KCNH8: variants seen among roughly 807,000 people sequenced by gnomAD.
The protein encoded by KCNH8 is potassium voltage-gated channel subfamily H member 8, also known as voltage-gated delayed rectifier potassium channel KCNH8.
Under a neutral mutation model 103.6 loss-of-function variants are expected in KCNH8, and 70 were observed. The observed-to-expected ratio is 0.68, with a 90% CI of 0.56 to 0.82. The LOEUF (loss-of-function observed/expected upper bound fraction) is 0.82. KCNH8 is among the 40% of genes least tolerant of loss of function. KCNH8 has a pLI of 0.00. For synonymous variants in KCNH8, 498 were observed against 489.4 expected (o/e 1.02, Z -0.23); for missense variants, 1,217 against 1,329.9 (o/e 0.92, Z 1.32).
Position 19,482,924 on chromosome 3 carries a change from C to T in KCNH8, c.2040+25942C>T, listed in dbSNP as rs555804840. On this transcript the variant is annotated intron_variant, in intron 11 of 15. Coordinates refer to ENST00000328405, the MANE Select transcript of KCNH8 (RefSeq NM_144633.3). ...TTATTAGTGATTATTTCTAAGACAG[C>T]TTGTAACCGTATGATTTGATTGATC... Among the ~76,000 whole-genome samples the T allele has an allele frequency of 1.1e-4, 17 of 152,294 alleles. 2 individuals carry two copies. The South Asian group carries it at 3.5e-3, about 32-fold the overall frequency.
rs1173450264 is a variant in KCNH8, at chr3:19,178,834, T to A, written c.76+30039T>A. On this transcript the variant is annotated intron_variant, in intron 1 of 15. Coordinates refer to ENST00000328405, the MANE Select transcript of KCNH8 (RefSeq NM_144633.3). Reference sequence around the variant, plus strand: ...ATATTGAACTGGCAGGGAGTCTTGCTTTTAAGAAGAAGTTGTGTGTTGGCT... The same window carrying A: ...ATATTGAACTGGCAGGGAGTCTTGCATTTAAGAAGAAGTTGTGTGTTGGCT... Among the ~76,000 whole-genome samples, 21 of 152,144 alleles carry A rather than the reference T, an allele frequency of 1.4e-4. 1 individual carries two copies. Among genetic ancestry groups the A allele is most frequent in the Admixed American group, 1.4e-3 (21 of 15,268 alleles).
intron 3 of KCNH8, among the ~76,000 whole-genome samples, chr3:19,308,034 T>G (rs1046525337): frequency 1.3e-5 from 2 of 151,850 alleles, no homozygotes; most frequent in African/African-American, 4.8e-5. Context: ...TTTAAATAGC[T>G]AGAAAGACGA....
intron 3 of KCNH8, among the ~76,000 whole-genome samples, chr3:19,321,481 G>A (rs1170639367): frequency 6.6e-6 from 1 of 151,864 alleles, no homozygotes; most frequent in African/African-American, 2.4e-5. Context: ...CTATGTATTT[G>A]CATGGTTTTG....
chr3:19,375,655 C>G (rs1445898056), intron 5 of KCNH8, among the ~76,000 whole-genome samples: 15 of 152,212 alleles, frequency 9.9e-5, no homozygotes, highest in Middle Eastern at 3.4e-3. Flanking sequence ...GTGAGGAACT[C>G]CGTTCCTTTG....
intron 7 of KCNH8, among the ~76,000 whole-genome samples, chr3:19,431,312 C>A (rs1285256860): frequency 6.6e-6 from 1 of 152,192 alleles, no homozygotes; most frequent in African/African-American, 2.4e-5. Flanking sequence ...GTTGAACCAA[C>A]CTTGCATTTC....
chr3:19,266,576 A>T (rs1016153827), intron 2 of KCNH8, among the ~76,000 whole-genome samples: 6 of 152,038 alleles, frequency 3.9e-5, no homozygotes, highest in African/African-American at 1.4e-4. Flanking sequence ...TTCATTATGC[A>T]TGTTTGAGGG....
intron 2 of KCNH8, among the ~76,000 whole-genome samples, chr3:19,275,817 C>T (rs562551703): frequency 6.6e-6 from 1 of 150,748 alleles, no homozygotes; most frequent in East Asian, 1.9e-4. Flanking sequence ...AAGACACTTT[C>T]CATATTGATT....
At chr3:19,199,409 A>G (rs559621189) in intron 1 of KCNH8, among the ~76,000 whole-genome samples, 177 of 152,122 alleles carry the variant, frequency 1.2e-3, no homozygotes, top group Non-Finnish European at 2.1e-3. Flanking sequence ...ACAAAAGAAC[A>G]CTACCCTCAA....
At chr3:19,318,919 T>C (rs1302330770) in intron 3 of KCNH8, among the ~76,000 whole-genome samples, 1 of 151,996 alleles carries the variant, frequency 6.6e-6, no homozygotes. Flanking sequence ...GTTGAGCATT[T>C]TTCCATATGC....
rs2068813881 is a variant in KCNH8, at chr3:19,513,155, A to C, written c.2265A>C (p.Gln755His). 4 of 1,613,904 alleles carry C rather than the reference A, an allele frequency of 2.5e-6. No homozygotes were observed. The highest frequency in any genetic ancestry group is 2.5e-6 in the Non-Finnish European group (3 of 1,179,944). Residue 755 changes from glutamine to histidine, a missense_variant, in exon 13 of 16, where the codon CAA becomes CAC. By Grantham distance (24) the Gln-to-His change is conservative. Coordinates refer to ENST00000328405, the MANE Select transcript of KCNH8 (RefSeq NM_144633.3). ...CCTACCTGGGCTTAAGCTTAAAGCA[A>C]CTGGCCTCGGGAACGGTGCCCTTTC... ...NKAYLGLSLK[Q>H]LASGTVPFHS...
chr3:19,362,629 A>G (rs2065961457), intron 5 of KCNH8, among the ~76,000 whole-genome samples: 1 of 152,116 alleles, frequency 6.6e-6, no homozygotes, highest in Admixed American at 6.6e-5. Flanking sequence ...AAGGTCATCA[A>G]GCCTGTATTT....
intron 5 of KCNH8, among the ~76,000 whole-genome samples, chr3:19,370,318 C>T (rs1439786225): frequency 6.6e-6 from 1 of 151,960 alleles, no homozygotes; most frequent in Non-Finnish European, 1.5e-5. Flanking sequence ...TTCAGCTAAA[C>T]ATGTACATAT....
At chr3:19,198,750 AAC>A (rs2063627262) in intron 1 of KCNH8, among the ~76,000 whole-genome samples, 1 of 152,130 alleles carries the variant, frequency 6.6e-6, no homozygotes, top group Non-Finnish European at 1.5e-5. Flanking sequence ...AATTTTTCTT[AAC>A]ACAAAGGAAT....
intron 5 of KCNH8, among the ~76,000 whole-genome samples, chr3:19,370,730 G>T (rs1230854558): frequency 1.3e-5 from 2 of 151,752 alleles, no homozygotes; most frequent in African/African-American, 4.8e-5. Context: ...TCTAGCATTA[G>T]GTATATCTCC....
At chr3:19,154,297 G>A (rs1422296913) in intron 1 of KCNH8, among the ~76,000 whole-genome samples, 3 of 152,154 alleles carry the variant, frequency 2.0e-5, no homozygotes, top group Non-Finnish European at 4.4e-5. Flanking sequence ...GTGAGAATAA[G>A]AGGCATTTTA....
At chr3:19,260,473 G>C (rs1260111885) in intron 2 of KCNH8, among the ~76,000 whole-genome samples, 3 of 89,746 alleles carry the variant, frequency 3.3e-5, no homozygotes, top group Admixed American at 1.3e-4. Flanking sequence ...TTTAATATAT[G>C]TATTACTCTA....
At chr3:19,187,982 T>C (rs986201569) in intron 1 of KCNH8, among the ~76,000 whole-genome samples, 2 of 152,084 alleles carry the variant, frequency 1.3e-5, no homozygotes, top group Non-Finnish European at 2.9e-5. Flanking sequence ...CGTCACCAGA[T>C]ATATTCTTAG....
At chr3:19,163,166 A>G (rs918020054) in intron 1 of KCNH8, among the ~76,000 whole-genome samples, 11 of 151,818 alleles carry the variant, frequency 7.2e-5, no homozygotes, top group African/African-American at 2.7e-4. Context: ...AATAACACCA[A>G]CAACTTGGCA....
intron 7 of KCNH8, among the ~76,000 whole-genome samples, chr3:19,419,496 G>C (rs1055409479): frequency 6.6e-6 from 1 of 151,996 alleles, no homozygotes; most frequent in African/African-American, 2.4e-5. Context: ...CACCGCGCCC[G>C]GCCAATTAAA....
Sources: allele counts gnomAD v4.1 joint callset (sites outside exome capture counted in the v4.1 genomes callset), GRCh38; gene constraint gnomAD v4.1.1; transcripts MANE v1.5; gene names NCBI Gene and HGNC (gene_info 2026-07-23, HGNC 2026-07-21).